Variants in SV2B observed in about 807,000 individuals in gnomAD.
SV2B encodes the protein synaptic vesicle glycoprotein 2B.
In SV2B, 41 loss-of-function variants were observed where a neutral mutation model predicts 73.9. The observed-to-expected ratio is 0.56, with a 90% CI of 0.43 to 0.72. The LOEUF (loss-of-function observed/expected upper bound fraction) is 0.72. SV2B is among the 30% of genes least tolerant of loss of function. The probability of loss-of-function intolerance (pLI) is 0.00; values close to 1 mark genes in which losing one functional copy is unlikely to be tolerated. For synonymous variants in SV2B, 314 were observed against 314.2 expected, an observed-to-expected ratio of 1.00 and a Z score of 0.01; for missense variants, 764 against 857.8, an observed-to-expected ratio of 0.89 and a Z score of 1.37.
rs190031833 is a variant in SV2B, at chr15:91,154,632, A to T, written c.-392+54269A>T. ...GTCATAGTGGATTAGAGTGGGCCCT[A>T]TTCCAATGACTGGTGTCCTTATAAG... On this transcript the variant is annotated intron_variant, in intron 1 of 12. Coordinates refer to ENST00000394232, the MANE Select transcript of SV2B (RefSeq NM_001323032.3). 2.6e-5 allele frequency among the ~76,000 whole-genome samples: 4 copies of T among 152,142 alleles called. No individual in the cohort carries two copies. In the East Asian group the frequency reaches 5.8e-4, roughly 22 times the overall value.
At chr15:91,104,878 C>T (rs750775021) in intron 1 of SV2B, among the ~76,000 whole-genome samples, 5 of 152,160 alleles carry the variant, frequency 3.3e-5, no homozygotes, top group East Asian at 3.9e-4. Context: ...ATGATCTGCC[C>T]GCCTCGGCCT....
chr15:91,189,008 G>A (rs1227155879), intron 1 of SV2B, among the ~76,000 whole-genome samples: 1 of 152,010 alleles, frequency 6.6e-6, no homozygotes, highest in East Asian at 1.9e-4. Context: ...TGTATTTTTA[G>A]TAGAGACAGG....
intron 1 of SV2B, among the ~76,000 whole-genome samples, chr15:91,150,639 C>T (rs1056993754): frequency 1.4e-4 from 22 of 152,206 alleles, no homozygotes; most frequent in Non-Finnish European, 3.1e-4. Flanking sequence ...ATATTTCTGC[C>T]CCAGTGTCTG....
At chr15:91,205,424 G>A (rs558834597) in intron 1 of SV2B, among the ~76,000 whole-genome samples, 1 of 151,980 alleles carries the variant, frequency 6.6e-6, no homozygotes, top group South Asian at 2.1e-4. Context: ...CTGGAGTACA[G>A]TGGTGATCTC....
chr15:91,160,805 T>C (rs1181915717), intron 1 of SV2B, among the ~76,000 whole-genome samples: 1 of 152,078 alleles, frequency 6.6e-6, no homozygotes, highest in Non-Finnish European at 1.5e-5. Context: ...AAAGGATTGA[T>C]ACACATTTAG....
intron 4 of SV2B, among the ~76,000 whole-genome samples, chr15:91,256,209 G>A (rs2047684252): frequency 6.6e-6 from 1 of 152,214 alleles, no homozygotes; most frequent in Admixed American, 6.5e-5. Flanking sequence ...TCAGCAAACA[G>A]AACAATCCCT....
intron 1 of SV2B, among the ~76,000 whole-genome samples, chr15:91,170,462 A>AT (rs1380060036): frequency 6.6e-6 from 1 of 152,044 alleles, no homozygotes; most frequent in Non-Finnish European, 1.5e-5. Flanking sequence ...TGATTTTTGT[A>AT]TTTTTAATAG....
In SV2B at chr15:91,251,966, C is replaced by A. The variant is rs774010844; in HGVS notation, c.599C>A (p.Ala200Asp). 10 of 1,613,982 alleles carry A rather than the reference C, an allele frequency of 6.2e-6. No individual in the cohort carries two copies. The highest frequency in any genetic ancestry group is 2.2e-5 in the South Asian group (2 of 91,086). Residue 200 changes from alanine to aspartate, a missense_variant, in exon 3 of 13, where the codon GCC becomes GAC. Ala to Asp is a moderately radical substitution (Grantham distance 126, BLOSUM62 -2). Coordinates refer to ENST00000394232, the MANE Select transcript of SV2B (RefSeq NM_001323032.3). ...SLSSFVQGYGAFLFCRLISGI... is the reference protein window; with the variant it reads ...SLSSFVQGYGDFLFCRLISGI... ...TCTTCCTTCGTGCAGGGATATGGAG[C>A]CTTCCTCTTCTGCCGACTCATCTCA...
At chr15:91,260,918 G>T (rs1210540024) in intron 6 of SV2B, among the ~76,000 whole-genome samples, 3 of 152,136 alleles carry the variant, frequency 2.0e-5, no homozygotes, top group African/African-American at 7.2e-5. Flanking sequence ...CCACCCCCAT[G>T]ATTAAAATTA....
rs977613801 is a variant in SV2B, at chr15:91,258,655, T to C, written c.918+101T>C. ...CTCCTAGTCCCACATCCTCTGCTGC[T>C]TATGTGTTGCAAACTCTCCCCTGGT... On this transcript the variant is annotated intron_variant, in intron 5 of 12. Coordinates refer to ENST00000394232, the MANE Select transcript of SV2B (RefSeq NM_001323032.3). This position sits in a 1 kb window ranked among gnomAD's most constrained non-coding sequence, Gnocchi z 4.7. The C allele has an allele frequency of 2.0e-6, 3 of 1,537,876 alleles. No individual in the cohort carries two copies. Among genetic ancestry groups the C allele is most frequent in the Non-Finnish European group, 2.6e-6 (3 of 1,137,814 alleles).
chr15:91,171,646 T>C (rs2044126541), intron 1 of SV2B, among the ~76,000 whole-genome samples: 1 of 152,182 alleles, frequency 6.6e-6, no homozygotes, highest in Non-Finnish European at 1.5e-5. Flanking sequence ...CCAGCGAAAA[T>C]GCTCATCATC....
In SV2B at chr15:91,139,983, A is replaced by G. The variant is rs76254783; in HGVS notation, c.-392+39620A>G. Among the ~76,000 whole-genome samples, 4,368 of 152,266 alleles carry G rather than the reference A, an allele frequency of 0.029. 206 individuals are homozygous for G. The highest frequency in any genetic ancestry group is 0.099 in the African/African-American group (4,094 of 41,522). On this transcript the variant is annotated intron_variant, in intron 1 of 12. Transcript: ENST00000394232. This position sits in a 1 kb window ranked among gnomAD's most constrained non-coding sequence, Gnocchi z 5.2. ...GAAATTGGGCTCATGCTCTGGGTCA[A>G]TGATTCTCAAAGTGTGGTCCTTGGA...
intron 1 of SV2B, among the ~76,000 whole-genome samples, chr15:91,152,071 C>CTTTTTTTTTTTTTT (rs59094531): frequency 7.3e-6 from 1 of 137,296 alleles, no homozygotes; most frequent in African/African-American, 2.8e-5. Context: ...AATTTTTACT[C>CTTTTTTTTTTTTTT]TTTTTTTTTT....
At position 91,220,315 on chromosome 15, in the gene SV2B, A is replaced by G. The variant is rs1567357080; in HGVS notation, c.-391-5558A>G. ...GCTATTCTAATGGATGTGTAGTGAT[A>G]TCTTACTGTGGGGTCAAGCAGGTTT... On this transcript the variant is annotated intron_variant, in intron 1 of 12. Coordinates refer to ENST00000394232, the MANE Select transcript of SV2B (RefSeq NM_001323032.3). The surrounding 1 kb of genome is among the most constrained non-coding windows in gnomAD (Gnocchi z 4.1). Among the ~76,000 whole-genome samples the G allele has an allele frequency of 1.3e-5, 2 of 152,208 alleles. No individual in the cohort carries two copies. Among genetic ancestry groups the G allele is most frequent in the Non-Finnish European group, 1.5e-5 (1 of 68,038 alleles).
intron 1 of SV2B, among the ~76,000 whole-genome samples, chr15:91,177,876 C>A (rs902719842): frequency 7.6e-5 from 11 of 144,820 alleles, no homozygotes; most frequent in African/African-American, 2.7e-4. Context: ...TAGTTGAATA[C>A]CCTTTATTTC....
intron 1 of SV2B, among the ~76,000 whole-genome samples, chr15:91,147,226 G>A (rs918314297): frequency 6.6e-6 from 1 of 152,220 alleles, no homozygotes; most frequent in Non-Finnish European, 1.5e-5. Flanking sequence ...CAACCATGTT[G>A]GCAGAGTGTT....
At chr15:91,126,663 C>T (rs2042492138) in intron 1 of SV2B, among the ~76,000 whole-genome samples, 1 of 152,126 alleles carries the variant, frequency 6.6e-6, no homozygotes, top group African/African-American at 2.4e-5. Context: ...TACACCATGA[C>T]CAAATGGCAT....
rs903240788 is a variant in SV2B at position 91,136,617 on chromosome 15, A to C, written c.-392+36254A>C. Reference sequence around the variant, plus strand: ...ACCTGACAGCCAGGTGGGGCCAACCATTCCATTCACACCCTGGAGCAAGGA... The same window carrying C: ...ACCTGACAGCCAGGTGGGGCCAACCCTTCCATTCACACCCTGGAGCAAGGA... On this transcript the variant is annotated intron_variant, in intron 1 of 12. Coordinates refer to ENST00000394232, the MANE Select transcript of SV2B (RefSeq NM_001323032.3). The surrounding 1 kb of genome is among the most constrained non-coding windows in gnomAD (Gnocchi z 5.6). 1.6e-4 allele frequency among the ~76,000 whole-genome samples: 24 copies of C among 152,280 alleles called. No homozygotes were observed. The highest frequency in any genetic ancestry group is 5.3e-4 in the African/African-American group (22 of 41,564).
intron 1 of SV2B, among the ~76,000 whole-genome samples, chr15:91,125,703 A>G (rs76865362): frequency 6.1e-5 from 9 of 147,304 alleles, no homozygotes; most frequent in African/African-American, 2.0e-4. Flanking sequence ...TGAGCCTGGA[A>G]GTTTGAGGCT....
Sources: gnomAD v4.1 joint callset for allele counts (sites outside exome capture counted in the v4.1 genomes callset) on GRCh38, gnomAD v4.1.1 for gene constraint, Gnocchi (gnomAD v3.1) non-coding constraint, MANE v1.5 for transcripts, NCBI Gene and HGNC (gene_info 2026-07-23, HGNC 2026-07-21) for gene names.